The following COPB1 variants were observed in gnomAD, a reference collection of about 807,000 sequenced individuals.
COPB1 encodes coatomer subunit beta.
Under a neutral mutation model 108.7 loss-of-function variants are expected in COPB1, and 21 were observed. That is an observed-to-expected ratio of 0.19 (90% CI 0.14 to 0.28). The LOEUF is 0.28. Among genes scored for constraint, COPB1 ranks in the 10% least tolerant of loss-of-function variants. COPB1 has a pLI of 1.00. For missense variants in COPB1, 919 were observed against 1,141.3 expected, an observed-to-expected ratio of 0.81 and a Z score of 2.81; for synonymous variants, 378 against 386.8, an observed-to-expected ratio of 0.98 and a Z score of 0.27.
intron 14 of COPB1, among the ~76,000 whole-genome samples, chr11:14,472,102 T>G (rs1850419425): frequency 6.6e-6 from 1 of 152,196 alleles, no homozygotes; most frequent in Non-Finnish European, 1.5e-5. Flanking sequence ...CAGAAATTGC[T>G]GTGGTAGGAC....
chr11:14,472,636 C>T (rs1038624571), intron 14 of COPB1, among the ~76,000 whole-genome samples: 1 of 152,232 alleles, frequency 6.6e-6, no homozygotes, highest in African/African-American at 2.4e-5. Context: ...TTAGTCTACA[C>T]TGAAAATCTG....
chr11:14,495,567 T>C (rs998913896), intron 2 of COPB1, among the ~76,000 whole-genome samples: 6 of 152,232 alleles, frequency 3.9e-5, no homozygotes, highest in African/African-American at 1.2e-4. Flanking sequence ...TTTCGCCATG[T>C]TGGCCACGCT....
At chr11:14,473,232 C>T (rs1401015665) in intron 14 of COPB1, among the ~76,000 whole-genome samples, 1 of 152,186 alleles carries the variant, frequency 6.6e-6, no homozygotes, top group African/African-American at 2.4e-5. Flanking sequence ...CTCGGGCCTC[C>T]CAAAGTGCTG....
chr11:14,459,672 G>C (rs1222579775), intron 20 of COPB1, among the ~76,000 whole-genome samples: 2 of 152,180 alleles, frequency 1.3e-5, no homozygotes, highest in Non-Finnish European at 2.9e-5. Flanking sequence ...CTGGAATGCA[G>C]TGGTGTGATC....
At chr11:14,479,435 A>G (rs1850608105) in intron 11 of COPB1, 134 bp downstream of exon 11, 2 of 748,854 alleles carry the variant, frequency 2.7e-6, no homozygotes, top group East Asian at 2.7e-5. Flanking sequence ...AGTTAGCGAG[A>G]TGCTTGTTGT....
At chr11:14,481,224 G>A in intron 8 of COPB1, 127 bp from the exon 9 acceptor site, 1 of 678,288 alleles carries the variant, frequency 1.5e-6, no homozygotes, top group Non-Finnish European at 2.5e-6. Context: ...AAAACCACTA[G>A]TGGTGGAAGA....
chr11:14,478,691 A>G (rs1850584845), intron 11 of COPB1, among the ~76,000 whole-genome samples: 1 of 151,864 alleles, frequency 6.6e-6, no homozygotes, highest in African/African-American at 2.4e-5. Context: ...ACATCCAGCA[A>G]TTCTCCTGCC....
chr11:14,493,601 C>T lies in COPB1; in HGVS notation c.491+41G>A, dbSNP rs1850957252. ...GGAACCACTAGTCTAAAAGACTAAA[C>T]AGTACTCACAGAATGAAGCCAAAGC... is the stretch of plus-strand genomic sequence containing the variant. On this transcript the variant is annotated intron_variant, in intron 4 of 21. Transcript: ENST00000439561. The T allele has an allele frequency of 3.9e-6, 6 of 1,528,750 alleles. No individual in the cohort carries two copies. In the East Asian group the frequency reaches 1.2e-4, roughly 30 times the overall value. 94.7% of individuals were successfully genotyped at this position (1,528,750 alleles called of 1,614,324 possible). A position where few individuals can be genotyped will look rare whatever the true frequency, so the allele number is the denominator to read the frequency against.
In COPB1 at chr11:14,476,946, C is replaced by T; in HGVS notation, c.1428G>A (p.Met476Ile). 6.2e-7 allele frequency: 1 copy of T among 1,611,572 alleles called. No individual in the cohort carries two copies. The highest frequency in any genetic ancestry group is 8.5e-7 in the Non-Finnish European group (1 of 1,177,726). Residue 476 changes from methionine (M) to isoleucine (I), a missense_variant, in exon 12 of 22, where the codon ATG (methionine) becomes ATA (isoleucine). This residue lies in a region of COPB1 where 705 missense variants were observed against 817.8 expected (regional missense o/e 0.86). Transcript: ENST00000439561. ...CTCCAAGGGACCTGCGGATCTCAGTCATCACACTCTGAATGTCTTCCTTGG... is the reference window on the plus strand; with the variant it reads ...CTCCAAGGGACCTGCGGATCTCAGTTATCACACTCTGAATGTCTTCCTTGG... Reference protein sequence around the residue: ...CSTKEDIQSVMTEIRRSLGEI... With the variant: ...CSTKEDIQSVITEIRRSLGEI...
chr11:14,461,060 A>G, intron 19 of COPB1, 126 bp downstream of exon 19: 1 of 1,165,872 alleles, frequency 8.6e-7, no homozygotes, highest in Non-Finnish European at 1.2e-6. Context: ...AAGAACAGAT[A>G]CTGAAAGACT....
At chr11:14,472,201 G>A (rs1415649734) in intron 14 of COPB1, among the ~76,000 whole-genome samples, 1 of 152,210 alleles carries the variant, frequency 6.6e-6, no homozygotes, top group Non-Finnish European at 1.5e-5. Flanking sequence ...ATCAGTGGCA[G>A]CATAATGGAT....
intron 16 of COPB1, among the ~76,000 whole-genome samples, chr11:14,467,967 G>A (rs1357967980): frequency 1.3e-5 from 2 of 152,076 alleles, no homozygotes; most frequent in African/African-American, 4.8e-5. Context: ...TCCTGGAGAT[G>A]GCTGCATAAC....
chr11:14,476,884 C>T (rs1330467151), intron 12 of COPB1, 35 bp downstream of exon 12: 20 of 1,325,276 alleles, frequency 1.5e-5, no homozygotes, highest in Non-Finnish European at 2.1e-5. Flanking sequence ...GGAAAAATTA[C>T]CATATAAACT....
chr11:14,458,032 G>A, intron 21 of COPB1, 149 bp from the exon 22 acceptor site: 1 of 413,142 alleles, frequency 2.4e-6, no homozygotes. Context: ...AAACTTTACT[G>A]GTAATTACCT....
intron 10 of COPB1, among the ~76,000 whole-genome samples, chr11:14,480,113 C>G (rs1036775287): frequency 2.4e-4 from 36 of 152,162 alleles, no homozygotes; most frequent in African/African-American, 8.2e-4. Context: ...CCTTGTAATT[C>G]TTAATAATTT....
chr11:14,468,881 A>T, intron 15 of COPB1, 21 bp from the exon 16 acceptor site: 1 of 1,599,896 alleles, frequency 6.3e-7, no homozygotes. Context: ...AATATAACAA[A>T]GTCTCTCTTT....
Position 14,479,564 on chromosome 11 carries a change from C to A in COPB1, c.1358+5G>T. ...ACCTTACATTTAAATGTATTTTAAA[C>A]CTACTTGACAGATTTAATAGCATGA... On this transcript the variant is annotated splice_donor_5th_base_variant and intron_variant, in intron 11 of 21. Transcript: ENST00000439561. 6.3e-7 allele frequency: 1 copy of A among 1,592,536 alleles called. No individual in the cohort carries two copies. The highest frequency in any genetic ancestry group is 8.5e-7 in the Non-Finnish European group (1 of 1,172,192).
In COPB1 at chr11:14,465,800, C is replaced by A. The variant is rs1850268755; in HGVS notation, c.2290+482G>T. ...CCCATATACAATTTATATTTTCCAA[C>A]TTCAAAACCAGATGTGGAAGTAAGC... On this transcript the variant is annotated intron_variant, in intron 17 of 21. Transcript: ENST00000439561. Among the ~76,000 whole-genome samples the A allele has an allele frequency of 2.6e-5, 4 of 152,212 alleles. No individual in the cohort carries two copies. The South Asian group carries it at 8.3e-4, about 32-fold the overall frequency.
chr11:14,492,590 G>C (rs527640553), intron 4 of COPB1, among the ~76,000 whole-genome samples: 1 of 151,752 alleles, frequency 6.6e-6, no homozygotes, highest in African/African-American at 2.4e-5. Context: ...TTATCGGCCC[G>C]CCTCGGCCTC....
Sources: gnomAD v4.1 joint callset for allele counts (sites outside exome capture counted in the v4.1 genomes callset) on GRCh38, gnomAD v4.1.1 for gene constraint, gnomAD v4.1.1 regional missense constraint, MANE v1.5 for transcripts, NCBI Gene and HGNC (gene_info 2026-07-23, HGNC 2026-07-21) for gene names.